Variants in ANGPT1 observed in about 807,000 individuals in gnomAD.
The protein encoded by ANGPT1 is angiopoietin 1, also known as angiopoietin-1.
ANGPT1 carries 17 observed loss-of-function variants against 62.2 expected under a neutral mutation model. The ratio of observed to expected loss-of-function variants is 0.27; its 90% CI spans 0.19 to 0.41. The LOEUF (loss-of-function observed/expected upper bound fraction) is 0.41. ANGPT1 is among the 10% of genes least tolerant of loss of function. ANGPT1 has a pLI of 1.00. For synonymous variants in ANGPT1, 199 were observed against 198.9 expected (o/e 1.00, Z 0.00); for missense variants, 478 against 594.9 (o/e 0.80, Z 2.04).
chr8:107,326,174 C>T (rs1469995663), intron 3 of ANGPT1, among the ~76,000 whole-genome samples: 1 of 152,034 alleles, frequency 6.6e-6, no homozygotes, highest in African/African-American at 2.4e-5. Context: ...GAAAAAGAGA[C>T]TGTCCATGGA....
At chr8:107,406,896 A>AC in intron 1 of ANGPT1, among the ~76,000 whole-genome samples, 1 of 150,478 alleles carries the variant, frequency 6.6e-6, no homozygotes, top group East Asian at 1.9e-4. Context: ...AAAAAAAAAA[A>AC]AAAGCAATTC....
chr8:107,352,415 A>T lies in ANGPT1; in HGVS notation c.298-5318T>A, dbSNP rs1283649. Among the ~76,000 whole-genome samples the T allele has an allele frequency of 5.3e-5, 8 of 151,978 alleles. No individual in the cohort carries two copies. In the South Asian group the frequency reaches 1.7e-3, roughly 32 times the overall value. ...GCCATTTGTAGTTCTATCATAAATC[A>T]CATGCCCCTGTCTTTTGCCCAATGA... On this transcript the variant is annotated intron_variant, in intron 1 of 8. Coordinates refer to ENST00000517746, the MANE Select transcript of ANGPT1 (RefSeq NM_001146.5).
intron 1 of ANGPT1, among the ~76,000 whole-genome samples, chr8:107,387,180 C>A (rs1048364915): frequency 4.6e-5 from 7 of 151,972 alleles, no homozygotes; most frequent in Admixed American, 1.3e-4. Flanking sequence ...AAACCTTAAA[C>A]AAAGTGGTAG....
chr8:107,394,497 A>G (rs1816896754), intron 1 of ANGPT1, among the ~76,000 whole-genome samples: 1 of 152,152 alleles, frequency 6.6e-6, no homozygotes, highest in African/African-American at 2.4e-5. Context: ...ATCAGAGTTT[A>G]TCCCAGAGGA....
intron 1 of ANGPT1, among the ~76,000 whole-genome samples, chr8:107,360,924 T>C (rs775192834): frequency 1.3e-5 from 2 of 152,244 alleles, no homozygotes; most frequent in Non-Finnish European, 2.9e-5. Context: ...TAATTTTATA[T>C]GACAAGTTGA....
Position 107,451,171 on chromosome 8 carries a change from A to G in ANGPT1, c.297+46091T>C, listed in dbSNP as rs140341256. On this transcript the variant is annotated intron_variant, in intron 1 of 8. Coordinates refer to ENST00000517746, the MANE Select transcript of ANGPT1 (RefSeq NM_001146.5). ...CCAGAATTTGCATTAACTCTTTCCT[A>G]CCATCTGTTTCCTTTGATGATTACC... Among the ~76,000 whole-genome samples, 1,054 of 151,948 alleles carry G rather than the reference A, an allele frequency of 6.9e-3. 13 individuals are homozygous for G. Among genetic ancestry groups the G allele is most frequent in the African/African-American group, 0.023 (957 of 41,506 alleles).
intron 1 of ANGPT1, among the ~76,000 whole-genome samples, chr8:107,350,277 C>A (rs1183720296): frequency 1.3e-5 from 2 of 152,088 alleles, no homozygotes; most frequent in Non-Finnish European, 2.9e-5. Flanking sequence ...TCTTTCTATG[C>A]AAATTTTCCT....
At position 107,251,800 on chromosome 8, in the gene ANGPT1, G is replaced by C. The variant is rs1048693999; in HGVS notation, c.*55C>G. Reference sequence around the variant, plus strand: ...GAAGTTTTCAAACAGTTTCTCACCTGGCAGCTTCTCCGGATTTCTTTGTTG... The same window carrying C: ...GAAGTTTTCAAACAGTTTCTCACCTCGCAGCTTCTCCGGATTTCTTTGTTG... On this transcript the variant is annotated 3_prime_UTR_variant, in exon 9 of 9. Transcript: ENST00000517746. The C allele has an allele frequency of 5.8e-5, 92 of 1,598,586 alleles. No individual in the cohort carries two copies. The highest frequency in any genetic ancestry group is 7.0e-5 in the Non-Finnish European group (82 of 1,168,790).
intron 1 of ANGPT1, among the ~76,000 whole-genome samples, chr8:107,489,937 T>TA (rs201079189): frequency 0.012 from 1,729 of 138,944 alleles, 53 homozygotes; most frequent in Admixed American, 0.066. Flanking sequence ...CTTGCGGTAT[T>TA]AAAAAAAAAA....
chr8:107,357,467 T>A (rs1355147776), intron 1 of ANGPT1, among the ~76,000 whole-genome samples: 1 of 152,162 alleles, frequency 6.6e-6, no homozygotes, highest in Non-Finnish European at 1.5e-5. Flanking sequence ...ACAAAATACA[T>A]TCTGTTTCAC....
At chr8:107,431,482 C>T (rs7817012) in intron 1 of ANGPT1, among the ~76,000 whole-genome samples, 18,467 of 152,188 alleles carry the variant, frequency 0.12, 1,504 homozygotes, top group Non-Finnish European at 0.19. Flanking sequence ...TCTTAGACTG[C>T]CTGAGTTCTC....
chr8:107,497,435 C>T lies in ANGPT1; in HGVS notation c.124G>A (p.Ala42Thr). 1 of 1,614,172 alleles carries T rather than the reference C, an allele frequency of 6.2e-7. No homozygotes were observed. The change falls in exon 1 of 9, where the codon GCC becomes ACC. Residue 42 changes from alanine (A) to threonine (T), a missense_variant. This residue lies in a region of ANGPT1 where 343 missense variants were observed against 355.4 expected (regional missense o/e 0.97). Transcript: ENST00000517746. ...RYNRIQHGQC[A>T]YTFILPEHDG... Reference sequence around the variant, plus strand: ...TGTTCTGGAAGAATGAAAGTGTAGGCACATTGCCCATGTTGAATCCGGTTA... The same window carrying T: ...TGTTCTGGAAGAATGAAAGTGTAGGTACATTGCCCATGTTGAATCCGGTTA...
intron 1 of ANGPT1, among the ~76,000 whole-genome samples, chr8:107,347,861 G>C (rs1221652020): frequency 6.6e-6 from 1 of 152,098 alleles, no homozygotes; most frequent in Admixed American, 6.6e-5. Context: ...TGCCATCTTA[G>C]AGAACAGTAT....
chr8:107,345,448 G>T (rs148708424), intron 2 of ANGPT1, among the ~76,000 whole-genome samples: 11 of 151,922 alleles, frequency 7.2e-5, no homozygotes, highest in Non-Finnish European at 1.5e-5. Context: ...CAACTGCTAG[G>T]TAGACAGAGA....
intron 1 of ANGPT1, among the ~76,000 whole-genome samples, chr8:107,359,572 C>T (rs1203703721): frequency 1.3e-5 from 2 of 152,156 alleles, no homozygotes; most frequent in African/African-American, 4.8e-5. Context: ...CCCCCAACTT[C>T]CTAGCAGCAT....
intron 1 of ANGPT1, among the ~76,000 whole-genome samples, chr8:107,353,540 C>T (rs946478051): frequency 2.6e-5 from 4 of 152,150 alleles, no homozygotes; most frequent in African/African-American, 4.8e-5. Flanking sequence ...CTTTGCTGGA[C>T]TCTGTTCTTG....
At chr8:107,329,234 A>C (rs1197095394) in intron 3 of ANGPT1, among the ~76,000 whole-genome samples, 4 of 152,094 alleles carry the variant, frequency 2.6e-5, no homozygotes, top group African/African-American at 9.7e-5. Flanking sequence ...TGGAAGAGTA[A>C]GCACTGAATT....
At chr8:107,371,686 C>CCAGCCT (rs1249853275) in intron 1 of ANGPT1, among the ~76,000 whole-genome samples, 1 of 151,048 alleles carries the variant, frequency 6.6e-6, no homozygotes, top group African/African-American at 2.4e-5. Flanking sequence ...AAGTGATTCT[C>CCAGCCT]CAGCCTCAAC....
chr8:107,312,340 A>C (rs1412406485), intron 4 of ANGPT1, among the ~76,000 whole-genome samples: 1 of 152,168 alleles, frequency 6.6e-6, no homozygotes, highest in Non-Finnish European at 1.5e-5. Flanking sequence ...TTGGTTTTGT[A>C]CAAAAGATTT....
Sources: gnomAD v4.1 joint callset for allele counts (sites outside exome capture counted in the v4.1 genomes callset) on GRCh38, gnomAD v4.1.1 for gene constraint, gnomAD v4.1.1 regional missense constraint, MANE v1.5 for transcripts, NCBI Gene and HGNC (gene_info 2026-07-23, HGNC 2026-07-21) for gene names.